The following LRP1B variants were observed in gnomAD, a reference collection of about 807,000 sequenced individuals.
LRP1B encodes the protein LDL receptor related protein 1B.
Under a neutral mutation model 556.6 loss-of-function variants are expected in LRP1B, and 217 were observed. The ratio of observed to expected loss-of-function variants is 0.39; its 90% CI spans 0.35 to 0.44. The LOEUF (loss-of-function observed/expected upper bound fraction) is 0.44, where lower values mean the gene tolerates loss of function less well. Ranked by LOEUF, LRP1B falls within the 20% of genes least tolerant of loss-of-function variation. The probability of loss-of-function intolerance (pLI) is 1.00; values close to 1 mark genes in which losing one functional copy is unlikely to be tolerated. For synonymous variants in LRP1B, 2,047 were observed against 1,865.8 expected (o/e 1.10, Z -2.50); for missense variants, 5,053 against 5,620.8 (o/e 0.90, Z 3.23).
At chr2:141,679,839 GAT>G (rs1160201565) in intron 2 of LRP1B, among the ~76,000 whole-genome samples, 1 of 151,286 alleles carries the variant, frequency 6.6e-6, no homozygotes, top group African/African-American at 2.4e-5. Context: ...CATAATAAAA[GAT>G]ATAAATTATA....
At chr2:141,236,771 T>G (rs1683660248) in intron 5 of LRP1B, among the ~76,000 whole-genome samples, 1 of 152,116 alleles carries the variant, frequency 6.6e-6, no homozygotes, top group African/African-American at 2.4e-5. Context: ...TTTTCCTGTT[T>G]AGATTCACGC....
chr2:141,700,383 CAAG>C (rs1216916120), intron 2 of LRP1B, among the ~76,000 whole-genome samples: 1 of 151,768 alleles, frequency 6.6e-6, no homozygotes, highest in Admixed American at 6.6e-5. Flanking sequence ...AAGGAAAACA[CAAG>C]AAGAAGCCTC....
intron 59 of LRP1B, among the ~76,000 whole-genome samples, chr2:140,485,051 T>C (rs1317464177): frequency 6.6e-6 from 1 of 152,212 alleles, no homozygotes; most frequent in Non-Finnish European, 1.5e-5. Flanking sequence ...TTAAAGGCAT[T>C]AAATCAGTGA....
chr2:141,721,193 T>C (rs1424954472), intron 2 of LRP1B, among the ~76,000 whole-genome samples: 3 of 152,190 alleles, frequency 2.0e-5, no homozygotes, highest in African/African-American at 7.2e-5. Context: ...TTGTTGATGT[T>C]TTCTATATCA....
At chr2:141,087,900 C>T (rs12465496) in intron 7 of LRP1B, among the ~76,000 whole-genome samples, 1 of 123,166 alleles carries the variant, frequency 8.1e-6, no homozygotes, top group South Asian at 2.7e-4. Context: ...TTGTCTCAAG[C>T]TTTTTATAAG....
At position 140,361,341 on chromosome 2, in the gene LRP1B, CATATATATATATATATAT is replaced by C. The variant is rs67208978; in HGVS notation, c.11132-2413_11132-2396del. ...ATATTTATCAATGCTACTTGGAAAG[CATATATATATATATATAT>C]ATATATATATATATATATATAACAA... On this transcript the variant is annotated intron_variant, in intron 72 of 90. Coordinates refer to ENST00000389484, the MANE Select transcript of LRP1B (RefSeq NM_018557.3). Among the ~76,000 whole-genome samples the C allele has an allele frequency of 5.9e-4, 18 of 30,730 alleles. No individual in the cohort carries two copies. The East Asian group carries it at 6.3e-3, about 11-fold the overall frequency. The allele number at this position is 30,730 out of a possible 152,430, so 20.2% of individuals were successfully genotyped here.
At chr2:141,935,501 C>A (rs1700611973) in intron 1 of LRP1B, among the ~76,000 whole-genome samples, 1 of 151,986 alleles carries the variant, frequency 6.6e-6, no homozygotes, top group African/African-American at 2.4e-5. Context: ...TTTAATCTAG[C>A]AGAACAGACC....
At chr2:140,653,384 T>C (rs897012991) in intron 41 of LRP1B, among the ~76,000 whole-genome samples, 9 of 151,988 alleles carry the variant, frequency 5.9e-5, no homozygotes, top group African/African-American at 1.9e-4. Flanking sequence ...TAGTGATAAG[T>C]ACTATAAGCA....
At chr2:141,649,151 T>C (rs1689691597) in intron 2 of LRP1B, among the ~76,000 whole-genome samples, 1 of 152,174 alleles carries the variant, frequency 6.6e-6, no homozygotes, top group Admixed American at 6.5e-5. Context: ...TGCAGGTCAC[T>C]GATAGCTTTC....
rs185705458 is a variant in LRP1B at position 140,357,345 on chromosome 2, T to C, written c.11395+634A>G. On this transcript the variant is annotated intron_variant, in intron 74 of 90. Coordinates refer to ENST00000389484, the MANE Select transcript of LRP1B (RefSeq NM_018557.3). ...CCATATCCTGGTGGGTATTGCTTCA[T>C]CCCTAAATGAGGAAAGTTTTAGATG... Among the ~76,000 whole-genome samples, 82 of 150,940 alleles carry C rather than the reference T, an allele frequency of 5.4e-4. No individual in the cohort carries two copies. In the East Asian group the frequency reaches 0.013, roughly 23 times the overall value.
At chr2:140,301,024 T>A (rs1345106178) in intron 83 of LRP1B, among the ~76,000 whole-genome samples, 1 of 152,154 alleles carries the variant, frequency 6.6e-6, no homozygotes, top group African/African-American at 2.4e-5. Context: ...TTATGTTTTA[T>A]CTCTATTATT....
chr2:141,016,144 C>A (rs2105390379), intron 12 of LRP1B, among the ~76,000 whole-genome samples: 1 of 152,154 alleles, frequency 6.6e-6, no homozygotes, highest in African/African-American at 2.4e-5. Flanking sequence ...CCAACTACCA[C>A]CACTATCGCA....
intron 3 of LRP1B, among the ~76,000 whole-genome samples, chr2:141,291,930 T>C (rs112145106): frequency 2.1e-4 from 29 of 137,298 alleles, no homozygotes; most frequent in African/African-American, 8.0e-4. Flanking sequence ...TGTAAAAAGA[T>C]CCCTTTATTC....
Position 141,080,470 on chromosome 2 carries a change from AAAT to A in LRP1B, c.1014-18200_1014-18198del, listed in dbSNP as rs573663165. Among the ~76,000 whole-genome samples, 505 of 152,316 alleles carry A rather than the reference AAAT, an allele frequency of 3.3e-3. 3 individuals carry two copies. Among genetic ancestry groups the A allele is most frequent in the African/African-American group, 0.011 (466 of 41,574 alleles). ...AACCTGCTTTTCCTGTCTTAAAAGTAAATAATATTTTATTTCTGATTAACCTTG... is the reference window on the plus strand; with the variant it reads ...AACCTGCTTTTCCTGTCTTAAAAGTAAATATTTTATTTCTGATTAACCTTG... On this transcript the variant is annotated intron_variant, in intron 7 of 90. Coordinates refer to ENST00000389484, the MANE Select transcript of LRP1B (RefSeq NM_018557.3).
At chr2:141,162,391 G>A (rs1161517041) in intron 7 of LRP1B, among the ~76,000 whole-genome samples, 1 of 151,988 alleles carries the variant, frequency 6.6e-6, no homozygotes, top group Non-Finnish European at 1.5e-5. Context: ...TTGTCTTTTA[G>A]AACAGTCCCT....
chr2:141,143,032 G>A (rs1287804381), intron 7 of LRP1B, among the ~76,000 whole-genome samples: 1 of 144,480 alleles, frequency 6.9e-6, no homozygotes, highest in Non-Finnish European at 1.5e-5. Flanking sequence ...AGGTTCAAAC[G>A]ATTCTCCTGC....
intron 83 of LRP1B, among the ~76,000 whole-genome samples, chr2:140,308,437 G>A (rs1034195987): frequency 3.7e-4 from 56 of 151,818 alleles, no homozygotes; most frequent in African/African-American, 1.2e-3. Context: ...CATAGTGACC[G>A]ATTATTATTT....
chr2:140,843,992 G>A (rs1299278424), intron 29 of LRP1B, among the ~76,000 whole-genome samples: 2 of 151,650 alleles, frequency 1.3e-5, no homozygotes, highest in African/African-American at 4.8e-5. Context: ...TGTGAACTGA[G>A]CTAAAATAAG....
chr2:140,980,500 C>A (rs1483047600), intron 18 of LRP1B, among the ~76,000 whole-genome samples: 1 of 152,130 alleles, frequency 6.6e-6, no homozygotes, highest in Non-Finnish European at 1.5e-5. Flanking sequence ...TTCTTCCATA[C>A]CACTGCTGTT....
Sources: allele counts gnomAD v4.1 joint callset (sites outside exome capture counted in the v4.1 genomes callset), GRCh38; gene constraint gnomAD v4.1.1; transcripts MANE v1.5; gene names NCBI Gene and HGNC (gene_info 2026-07-23, HGNC 2026-07-21).